DYNC1I1: variants seen among roughly 807,000 people sequenced by gnomAD.
DYNC1I1 encodes dynein cytoplasmic 1 intermediate chain 1.
Under a neutral mutation model 86.6 loss-of-function variants are expected in DYNC1I1, and 43 were observed. That is an observed-to-expected ratio of 0.50 (90% CI 0.39 to 0.64). The LOEUF is 0.64. Ranked by LOEUF, DYNC1I1 falls within the 30% of genes least tolerant of loss-of-function variation. The pLI is 0.00. For synonymous variants in DYNC1I1, 262 were observed against 283.7 expected (o/e 0.92, Z 0.77); for missense variants, 604 against 788.8 (o/e 0.77, Z 2.81).
At chr7:95,867,731 A>C (rs1410084724) in intron 5 of DYNC1I1, among the ~76,000 whole-genome samples, 1 of 152,168 alleles carries the variant, frequency 6.6e-6, no homozygotes, top group Non-Finnish European at 1.5e-5. Flanking sequence ...TTGAGGGTTT[A>C]GGGTGATCTC....
At chr7:95,856,291 A>G (rs904427297) in intron 5 of DYNC1I1, among the ~76,000 whole-genome samples, 3 of 152,196 alleles carry the variant, frequency 2.0e-5, no homozygotes, top group African/African-American at 7.2e-5. Context: ...CTTCAGGGGC[A>G]ATAATACACA....
At chr7:95,786,326 G>A (rs866505576) in intron 1 of DYNC1I1, among the ~76,000 whole-genome samples, 1 of 152,192 alleles carries the variant, frequency 6.6e-6, no homozygotes, top group Non-Finnish European at 1.5e-5. Context: ...CATCCTACTC[G>A]CATGTCAATG....
At chr7:96,050,970 T>A (rs1789388282) in intron 14 of DYNC1I1, among the ~76,000 whole-genome samples, 2 of 152,220 alleles carry the variant, frequency 1.3e-5, no homozygotes, top group Non-Finnish European at 2.9e-5. Flanking sequence ...TCTTAGCACA[T>A]TAAATTTCCT....
intron 4 of DYNC1I1, among the ~76,000 whole-genome samples, chr7:95,826,362 G>A (rs1795202996): frequency 6.6e-6 from 1 of 152,186 alleles, no homozygotes; most frequent in South Asian, 2.1e-4. Context: ...GTCGGGCATT[G>A]ACTCAAAGAA....
At chr7:96,027,575 C>T (rs1441892933) in intron 10 of DYNC1I1, among the ~76,000 whole-genome samples, 1 of 151,966 alleles carries the variant, frequency 6.6e-6, no homozygotes, top group Non-Finnish European at 1.5e-5. Context: ...CTGAAGTGGG[C>T]AGAATTAAGA....
At chr7:96,012,241 G>A (rs556810845) in intron 10 of DYNC1I1, among the ~76,000 whole-genome samples, 1 of 152,286 alleles carries the variant, frequency 6.6e-6, no homozygotes, top group South Asian at 2.1e-4. Context: ...TATTTTGAAG[G>A]AAGAGGGTAT....
intron 14 of DYNC1I1, among the ~76,000 whole-genome samples, chr7:96,058,198 A>G (rs2299283): frequency 0.16 from 24,896 of 152,208 alleles, 2,215 homozygotes; most frequent in South Asian, 0.28. Flanking sequence ...AAAGAATACT[A>G]GATTTGTTAG....
At chr7:95,993,628 T>C (rs1002731423) in intron 9 of DYNC1I1, among the ~76,000 whole-genome samples, 1 of 152,196 alleles carries the variant, frequency 6.6e-6, no homozygotes, top group Non-Finnish European at 1.5e-5. Flanking sequence ...TAATAAAGAA[T>C]GATTACTTCC....
At chr7:96,091,682 A>G (rs1790851967) in intron 16 of DYNC1I1, among the ~76,000 whole-genome samples, 1 of 152,208 alleles carries the variant, frequency 6.6e-6, no homozygotes, top group Non-Finnish European at 1.5e-5. Flanking sequence ...TATAGCTGCA[A>G]TTACTAAAAA....
At chr7:96,072,028 G>A (rs577717564) in intron 14 of DYNC1I1, among the ~76,000 whole-genome samples, 1 of 152,324 alleles carries the variant, frequency 6.6e-6, no homozygotes, top group Non-Finnish European at 1.5e-5. Flanking sequence ...CCTTGGGAAA[G>A]TTACTAACTT....
chr7:95,858,731 A>G (rs906986109), intron 5 of DYNC1I1, among the ~76,000 whole-genome samples: 3 of 151,596 alleles, frequency 2.0e-5, no homozygotes, highest in African/African-American at 7.3e-5. Flanking sequence ...CCAAAACATC[A>G]TTATGTGGTT....
At chr7:95,773,792 G>A (rs1793770212) in intron 1 of DYNC1I1, among the ~76,000 whole-genome samples, 1 of 152,170 alleles carries the variant, frequency 6.6e-6, no homozygotes, top group South Asian at 2.1e-4. Context: ...ATAGGCAACT[G>A]CAGGTGACAA....
chr7:95,954,045 C>T (rs1792631936), intron 6 of DYNC1I1, among the ~76,000 whole-genome samples: 1 of 151,976 alleles, frequency 6.6e-6, no homozygotes, highest in Non-Finnish European at 1.5e-5. Context: ...GGAAACAGCC[C>T]TGTGAACGCT....
At chr7:95,888,070 T>A (rs577013630) in intron 6 of DYNC1I1, among the ~76,000 whole-genome samples, 1 of 152,212 alleles carries the variant, frequency 6.6e-6, no homozygotes, top group Non-Finnish European at 1.5e-5. Context: ...AATGCCTTCA[T>A]GAAAATGTTA....
At chr7:96,046,184 G>A (rs1789211291) in intron 14 of DYNC1I1, among the ~76,000 whole-genome samples, 1 of 152,118 alleles carries the variant, frequency 6.6e-6, no homozygotes, top group Admixed American at 6.6e-5. Context: ...TCATCCAAAT[G>A]GCTGGAAGGT....
chr7:96,042,618 G>A (rs1789082665), intron 14 of DYNC1I1, among the ~76,000 whole-genome samples: 1 of 152,194 alleles, frequency 6.6e-6, no homozygotes, highest in South Asian at 2.1e-4. Flanking sequence ...GTAAGCTTCT[G>A]TTGGCCCAGA....
chr7:95,813,455 C>T, intron 4 of DYNC1I1, 118 bp downstream of exon 4: 1 of 1,270,296 alleles, frequency 7.9e-7, no homozygotes, highest in Non-Finnish European at 1.1e-6. Context: ...TGTACTTGGA[C>T]ATCTTATGTT....
chr7:96,060,810 A>G lies in DYNC1I1; in HGVS notation c.1510-15247A>G, dbSNP rs146518871. ...AAAACTGCTCTAAAAAATAAAGTCT[A>G]AAAAAAAAAACCCTTGCTCTACATG... On this transcript the variant is annotated intron_variant, in intron 14 of 16. Transcript: ENST00000447467. Among the ~76,000 whole-genome samples, 1,154 of 145,700 alleles carry G rather than the reference A, an allele frequency of 7.9e-3. 26 individuals are homozygous for G. The highest frequency in any genetic ancestry group is 0.048 in the Admixed American group (703 of 14,642).
chr7:96,098,519 T>A, downstream of DYNC1I1: 3 of 756,772 alleles, frequency 4.0e-6, no homozygotes, highest in Non-Finnish European at 4.8e-6. Context: ...AGAGCCATGT[T>A]AAAGACTGAT....
Sources: gnomAD v4.1 joint callset for allele counts (sites outside exome capture counted in the v4.1 genomes callset) on GRCh38, gnomAD v4.1.1 for gene constraint, MANE v1.5 for transcripts, NCBI Gene and HGNC (gene_info 2026-07-23, HGNC 2026-07-21) for gene names.